The following AKR1B15 variants were observed in gnomAD, a reference collection of about 807,000 sequenced individuals.
AKR1B15 encodes aldo-keto reductase family 1 member B15.
Under a neutral mutation model 38.5 loss-of-function variants are expected in AKR1B15, and 49 were observed. The ratio of observed to expected loss-of-function variants is 1.27; its 90% CI spans 1.01 to 1.62. The LOEUF (loss-of-function observed/expected upper bound fraction) is 1.62, where lower values mean the gene tolerates loss of function less well. Among genes scored for constraint, AKR1B15 ranks in the 40% most tolerant of loss-of-function variants. The pLI is 0.00. For synonymous variants in AKR1B15, 137 were observed against 135.5 expected (o/e 1.01, Z -0.08); for missense variants, 411 against 381.6 (o/e 1.08, Z -0.64).
chr7:134,561,485 G>A (rs1156891373), intron 2 of AKR1B15, among the ~76,000 whole-genome samples: 1 of 152,214 alleles, frequency 6.6e-6, no homozygotes, highest in East Asian at 1.9e-4. Context: ...GGGATTACAG[G>A]TGTGAGACAC....
intron 2 of AKR1B15, among the ~76,000 whole-genome samples, chr7:134,561,267 C>A (rs985177953): frequency 3.3e-5 from 5 of 152,086 alleles, no homozygotes; most frequent in Non-Finnish European, 5.9e-5. Flanking sequence ...AGGCTGGATT[C>A]CAGTGGCATA....
At chr7:134,562,342 G>C (rs746710887) in intron 2 of AKR1B15, among the ~76,000 whole-genome samples, 1 of 152,180 alleles carries the variant, frequency 6.6e-6, no homozygotes, top group Non-Finnish European at 1.5e-5. Flanking sequence ...AAGCGTTGCT[G>C]CTGGGGGCTG....
At chr7:134,564,922 A>C in intron 3 of AKR1B15, 153 bp downstream of exon 3, 1 of 491,878 alleles carries the variant, frequency 2.0e-6, no homozygotes, top group Non-Finnish European at 3.6e-6. Context: ...TAAATGCACC[A>C]ATCAGTGCTC....
In AKR1B15 at chr7:134,564,688, C is replaced by T. The variant is rs905095732; in HGVS notation, c.69C>T (p.Pro23=). The part of the protein sequence containing the change: ...NNFHQGPLDQ[P]VGPLTGLKSS... ...TCCACCAAGGACCCCTGGACCAACC[C>T]GTTGGCCCTTTGACTGGCCTAAAGA... The change falls in exon 3 of 12, where the codon CCC becomes CCT. Residue 23 remains proline, a synonymous_variant. Coordinates refer to ENST00000457545, the MANE Select transcript of AKR1B15 (RefSeq NM_001080538.3). The T allele has an allele frequency of 3.1e-5, 22 of 699,460 alleles. No individual in the cohort carries two copies. The highest frequency in any genetic ancestry group is 6.0e-5 in the South Asian group (4 of 67,068). 43.3% of individuals were successfully genotyped at this position (699,460 alleles called of 1,614,324 possible).
chr7:134,561,474 T>A (rs1794389755), intron 2 of AKR1B15, among the ~76,000 whole-genome samples: 1 of 152,234 alleles, frequency 6.6e-6, no homozygotes, highest in Non-Finnish European at 1.5e-5. Flanking sequence ...CCCAAAATGC[T>A]GGGATTACAG....
At chr7:134,574,035 C>G (rs1351925763) in intron 6 of AKR1B15, among the ~76,000 whole-genome samples, 2 of 150,906 alleles carry the variant, frequency 1.3e-5, no homozygotes, top group Middle Eastern at 3.4e-3. Flanking sequence ...CAGAGGCACA[C>G]GTCACCGCAT....
intron 5 of AKR1B15, among the ~76,000 whole-genome samples, chr7:134,570,903 C>A (rs138709034): frequency 6.6e-6 from 1 of 152,230 alleles, no homozygotes; most frequent in Non-Finnish European, 1.5e-5. Flanking sequence ...TGCCATATCA[C>A]CTTTGTCTAG....
chr7:134,573,769 A>T (rs1292837965), intron 6 of AKR1B15, among the ~76,000 whole-genome samples: 2 of 152,220 alleles, frequency 1.3e-5, no homozygotes, highest in Admixed American at 6.5e-5. Flanking sequence ...TGAATAACTT[A>T]ATCTATGCTA....
intron 6 of AKR1B15, among the ~76,000 whole-genome samples, chr7:134,575,187 A>G (rs1342400515): frequency 5.9e-5 from 9 of 152,210 alleles, no homozygotes; most frequent in African/African-American, 2.2e-4. Flanking sequence ...AGTGGCAAGA[A>G]CATAAAATCT....
chr7:134,572,011 G>A (rs976446671), intron 6 of AKR1B15, among the ~76,000 whole-genome samples: 1 of 152,166 alleles, frequency 6.6e-6, no homozygotes, highest in African/African-American at 2.4e-5. Flanking sequence ...GTAACCTAGG[G>A]TCAGTTTTGT....
chr7:134,564,460 C>G (rs778425383), intron 2 of AKR1B15, 138 bp from the exon 3 acceptor site: 4 of 465,618 alleles, frequency 8.6e-6, no homozygotes, highest in Non-Finnish European at 1.5e-5. Flanking sequence ...TCAGGCAATG[C>G]CTTTCTAATT....
intron 3 of AKR1B15, among the ~76,000 whole-genome samples, chr7:134,566,770 A>G (rs1412252563): frequency 6.6e-6 from 1 of 152,092 alleles, no homozygotes; most frequent in Non-Finnish European, 1.5e-5. Flanking sequence ...CCTCTGCTGC[A>G]GCACTGGGTC....
At chr7:134,568,517 C>T (rs56097712) in intron 4 of AKR1B15, among the ~76,000 whole-genome samples, 192 bp downstream of exon 4, 63,454 of 152,064 alleles carry the variant, frequency 0.42, 13,621 homozygotes, top group Non-Finnish European at 0.45. Flanking sequence ...CGTGGCTGCC[C>T]CACCTGCCTG....
At chr7:134,578,455 C>T (rs1044302521) in intron 11 of AKR1B15, among the ~76,000 whole-genome samples, 1 of 152,168 alleles carries the variant, frequency 6.6e-6, no homozygotes, top group Non-Finnish European at 1.5e-5. Context: ...AAATCATCTC[C>T]AAATGCCTCT....
intron 11 of AKR1B15, 84 bp downstream of exon 11, chr7:134,577,870 T>C (rs561328990): frequency 6.2e-6 from 9 of 1,456,726 alleles, no homozygotes; most frequent in East Asian, 2.4e-5. Flanking sequence ...TAGAAGGTTG[T>C]TGGGACTACT....
chr7:134,576,621 T>G (rs549320824), intron 9 of AKR1B15, among the ~76,000 whole-genome samples, 191 bp downstream of exon 9: 9 of 152,118 alleles, frequency 5.9e-5, no homozygotes, highest in African/African-American at 2.2e-4. Context: ...AAAGATAGCT[T>G]CTGTCTCACA....
chr7:134,555,700 G>A (rs533823435), intron 1 of AKR1B15, among the ~76,000 whole-genome samples: 1 of 152,200 alleles, frequency 6.6e-6, no homozygotes, highest in South Asian at 2.1e-4. Context: ...TACCCTTGAA[G>A]AGCAATGCAA....
At chr7:134,569,594 A>G in intron 5 of AKR1B15, 65 bp downstream of exon 5, 1 of 1,540,480 alleles carries the variant, frequency 6.5e-7, no homozygotes, top group Non-Finnish European at 8.9e-7. Flanking sequence ...GGGACCCCCA[A>G]CAGAGAGACT....
chr7:134,552,295 T>A (rs563088963), intron 1 of AKR1B15, among the ~76,000 whole-genome samples: 34 of 152,214 alleles, frequency 2.2e-4, no homozygotes, highest in African/African-American at 7.7e-4. Flanking sequence ...CACCCTTCGG[T>A]CAGAGGAATA....
Sources: gnomAD v4.1 joint callset for allele counts (sites outside exome capture counted in the v4.1 genomes callset) on GRCh38, gnomAD v4.1.1 for gene constraint, MANE v1.5 for transcripts, NCBI Gene and HGNC (gene_info 2026-07-23, HGNC 2026-07-21) for gene names.